Variants in IMMP2L observed in about 807,000 individuals in gnomAD.
The protein encoded by IMMP2L is inner mitochondrial membrane peptidase subunit 2, also known as mitochondrial inner membrane protease subunit 2.
IMMP2L carries 18 observed loss-of-function variants against 19.3 expected under a neutral mutation model. That is an observed-to-expected ratio of 0.93 (90% confidence interval 0.64 to 1.38). The LOEUF is 1.38. Ranked by LOEUF, IMMP2L falls within the 40% of genes most tolerant of loss-of-function variation. The probability of loss-of-function intolerance (pLI) is 0.00; values close to 1 mark genes in which losing one functional copy is unlikely to be tolerated. For synonymous variants in IMMP2L, 76 were observed against 73.0 expected (o/e 1.04, Z -0.21); for missense variants, 233 against 218.2 (o/e 1.07, Z -0.43).
intron 5 of IMMP2L, among the ~76,000 whole-genome samples, chr7:110,878,932 A>C (rs963828980): frequency 6.6e-6 from 1 of 152,176 alleles, no homozygotes; most frequent in African/African-American, 2.4e-5. Context: ...ATTTCATTTA[A>C]CAGTTTGCTA....
intron 3 of IMMP2L, among the ~76,000 whole-genome samples, chr7:111,345,899 G>A (rs1310183305): frequency 6.6e-6 from 1 of 152,154 alleles, no homozygotes; most frequent in African/African-American, 2.4e-5. Flanking sequence ...AGAGCCAAGA[G>A]AATAAACTGA....
chr7:111,497,110 C>T (rs890954956), intron 2 of IMMP2L, among the ~76,000 whole-genome samples: 1 of 152,128 alleles, frequency 6.6e-6, no homozygotes, highest in African/African-American at 2.4e-5. Context: ...TTCTCCTAAT[C>T]TTAACTGCAT....
At chr7:111,345,460 T>G in intron 3 of IMMP2L, among the ~76,000 whole-genome samples, 1 of 152,078 alleles carries the variant, frequency 6.6e-6, no homozygotes, top group East Asian at 1.9e-4. Flanking sequence ...GATTTAACAC[T>G]TTGGGGAAAT....
At chr7:110,968,264 TA>T (rs201296331) in intron 3 of IMMP2L, among the ~76,000 whole-genome samples, 2,892 of 144,222 alleles carry the variant, frequency 0.02, 14 homozygotes, top group African/African-American at 0.036. Flanking sequence ...ATTCATGCAT[TA>T]AAAAAAAAAA....
intron 5 of IMMP2L, among the ~76,000 whole-genome samples, chr7:110,740,703 T>G (rs1052961524): frequency 9.9e-5 from 15 of 151,844 alleles, no homozygotes; most frequent in Non-Finnish European, 1.9e-4. Context: ...AAAACCACAG[T>G]GCAACACCAC....
At chr7:111,358,373 A>G (rs999256326) in intron 3 of IMMP2L, among the ~76,000 whole-genome samples, 1 of 151,802 alleles carries the variant, frequency 6.6e-6, no homozygotes, top group Non-Finnish European at 1.5e-5. Context: ...CATGTATTAT[A>G]TAGAATCTTC....
chr7:111,461,201 A>G (rs1840105081), intron 3 of IMMP2L, among the ~76,000 whole-genome samples: 1 of 152,116 alleles, frequency 6.6e-6, no homozygotes, highest in African/African-American at 2.4e-5. Flanking sequence ...TTCCTAAAAT[A>G]CGTTCCTCAC....
At chr7:111,453,527 G>A (rs1036281193) in intron 3 of IMMP2L, among the ~76,000 whole-genome samples, 1 of 152,028 alleles carries the variant, frequency 6.6e-6, no homozygotes, top group Non-Finnish European at 1.5e-5. Context: ...GTTTCATATC[G>A]GTATCATTGG....
chr7:111,541,155 C>T (rs143881855), intron 1 of IMMP2L, among the ~76,000 whole-genome samples: 36 of 152,258 alleles, frequency 2.4e-4, no homozygotes, highest in African/African-American at 8.7e-4. Flanking sequence ...CTTTACCTTC[C>T]AATATCAGAA....
At chr7:111,501,650 G>A (rs1025147085) in intron 2 of IMMP2L, among the ~76,000 whole-genome samples, 2 of 152,180 alleles carry the variant, frequency 1.3e-5, no homozygotes. Context: ...CAAGCCAGAA[G>A]AGAGTGGGGG....
chr7:110,700,592 C>T (rs1004718335), intron 5 of IMMP2L, among the ~76,000 whole-genome samples: 2 of 152,172 alleles, frequency 1.3e-5, no homozygotes, highest in African/African-American at 4.8e-5. Context: ...AAATATTTCC[C>T]CAACACTCTG....
At chr7:111,108,061 T>G (rs1798749689) in intron 3 of IMMP2L, among the ~76,000 whole-genome samples, 1 of 152,154 alleles carries the variant, frequency 6.6e-6, no homozygotes, top group Admixed American at 6.6e-5. Context: ...TTGTTGTTGT[T>G]GTTGTTTTCT....
intron 4 of IMMP2L, among the ~76,000 whole-genome samples, chr7:110,921,506 T>C (rs1044150054): frequency 1.5e-4 from 23 of 152,318 alleles, no homozygotes; most frequent in Non-Finnish European, 2.6e-4. Context: ...CTTATCTAAT[T>C]AGCCAATAGA....
chr7:111,556,547 C>G (rs544747597), intron 1 of IMMP2L, among the ~76,000 whole-genome samples: 51 of 152,128 alleles, frequency 3.4e-4, no homozygotes, highest in South Asian at 2.9e-3. Context: ...CTATTCAGTC[C>G]TTTACCCACA....
chr7:110,980,498 G>A (rs1270700002), intron 3 of IMMP2L, among the ~76,000 whole-genome samples: 1 of 152,028 alleles, frequency 6.6e-6, no homozygotes, highest in Non-Finnish European at 1.5e-5. Context: ...TTACAAGCGT[G>A]AGCCACTCCG....
intron 5 of IMMP2L, among the ~76,000 whole-genome samples, chr7:110,878,557 CAT>C (rs35648999): frequency 0.39 from 59,407 of 151,612 alleles, 12,935 homozygotes; most frequent in East Asian, 0.68. Context: ...TTTTCATTAA[CAT>C]ATATTTAAAT....
intron 1 of IMMP2L, among the ~76,000 whole-genome samples, chr7:111,560,025 T>C (rs1413745374): frequency 1.6e-5 from 1 of 63,204 alleles, no homozygotes; most frequent in Non-Finnish European, 4.5e-5. Flanking sequence ...ATATAAAACA[T>C]GTATTATGTT....
chr7:111,403,787 G>A (rs951418969), intron 3 of IMMP2L, among the ~76,000 whole-genome samples: 3 of 152,236 alleles, frequency 2.0e-5, no homozygotes, highest in East Asian at 3.9e-4. Flanking sequence ...ATCCCTTTCT[G>A]TGTAATATTG....
chr7:110,766,622 A>C (rs1049216266), intron 5 of IMMP2L, among the ~76,000 whole-genome samples: 1 of 133,748 alleles, frequency 7.5e-6, no homozygotes, highest in African/African-American at 2.7e-5. Context: ...TTCATTTCTT[A>C]TTTGGGAATA....
Sources: allele counts gnomAD v4.1 joint callset (sites outside exome capture counted in the v4.1 genomes callset), GRCh38; gene constraint gnomAD v4.1.1; transcripts MANE v1.5; gene names NCBI Gene and HGNC (gene_info 2026-07-23, HGNC 2026-07-21).